RARB: variants seen among roughly 807,000 people sequenced by gnomAD.
RARB encodes retinoic acid receptor beta.
Under a neutral mutation model 51.9 loss-of-function variants are expected in RARB, and 17 were observed. The ratio of observed to expected loss-of-function variants is 0.33; its 90% CI spans 0.22 to 0.49. RARB has a LOEUF of 0.49. Ranked by LOEUF, RARB falls within the 20% of genes least tolerant of loss-of-function variation. The probability of loss-of-function intolerance (pLI) is 0.99; values close to 1 mark genes in which losing one functional copy is unlikely to be tolerated. For synonymous variants in RARB, 215 were observed against 195.4 expected (o/e 1.10, Z -0.84); for missense variants, 369 against 550.8 (o/e 0.67, Z 3.30).
chr3:25,329,799 C>T (rs761031664), intron 5 of RARB, among the ~76,000 whole-genome samples: 2 of 152,010 alleles, frequency 1.3e-5, no homozygotes, highest in Admixed American at 6.6e-5. Context: ...ACTAGAATAA[C>T]CAGTGTAGAG....
chr3:24,868,606 C>G (rs563873253), intron 2 of RARB, among the ~76,000 whole-genome samples: 34 of 152,224 alleles, frequency 2.2e-4, no homozygotes, highest in African/African-American at 8.2e-4. Flanking sequence ...GGACTTGCCT[C>G]ATTATATCCT....
At chr3:25,286,167 C>T (rs1361939736) in intron 5 of RARB, among the ~76,000 whole-genome samples, 1 of 137,018 alleles carries the variant, frequency 7.3e-6, no homozygotes, top group South Asian at 2.3e-4. Context: ...CAGCTCACTG[C>T]AAGCTCCATC....
intron 2 of RARB, among the ~76,000 whole-genome samples, chr3:24,889,479 C>A (rs1018296260): frequency 6.6e-6 from 1 of 152,118 alleles, no homozygotes; most frequent in Non-Finnish European, 1.5e-5. Flanking sequence ...AATAGCAAGG[C>A]AAACCATAAT....
chr3:25,313,463 C>A (rs1704340610), intron 5 of RARB, among the ~76,000 whole-genome samples: 1 of 152,198 alleles, frequency 6.6e-6, no homozygotes, highest in Non-Finnish European at 1.5e-5. Flanking sequence ...CCCCAACTCC[C>A]TGGTATGATG....
intron 2 of RARB, among the ~76,000 whole-genome samples, chr3:25,006,722 G>A (rs918834719): frequency 2.0e-5 from 3 of 152,088 alleles, no homozygotes; most frequent in Non-Finnish European, 4.4e-5. Flanking sequence ...AATAGATTTT[G>A]AACATGGGAT....
chr3:24,900,373 C>T (rs1303221785), intron 2 of RARB, among the ~76,000 whole-genome samples: 2 of 152,216 alleles, frequency 1.3e-5, no homozygotes, highest in Admixed American at 6.5e-5. Context: ...ATATTCATCT[C>T]TTTGAAATAT....
intron 5 of RARB, among the ~76,000 whole-genome samples, chr3:25,299,534 T>C (rs1703991519): frequency 6.6e-6 from 1 of 152,170 alleles, no homozygotes; most frequent in African/African-American, 2.4e-5. Context: ...AAATTATGAA[T>C]GGAAGTAACC....
chr3:25,355,960 A>T (rs1705721099), intron 5 of RARB, among the ~76,000 whole-genome samples: 1 of 152,178 alleles, frequency 6.6e-6, no homozygotes, highest in Non-Finnish European at 1.5e-5. Context: ...TTGGAAAATA[A>T]CTTTTTTATT....
At chr3:24,948,637 C>T (rs562397078) in intron 2 of RARB, among the ~76,000 whole-genome samples, 1 of 152,298 alleles carries the variant, frequency 6.6e-6, no homozygotes, top group East Asian at 1.9e-4. Flanking sequence ...GGATGTTTGT[C>T]CCCTCCGAAT....
At chr3:25,470,015 C>T (rs1045019125) in intron 2 of RARB, among the ~76,000 whole-genome samples, 3 of 152,116 alleles carry the variant, frequency 2.0e-5, no homozygotes, top group African/African-American at 7.2e-5. Context: ...TGTTCAGTTC[C>T]GGAGGCCGTG....
intron 2 of RARB, among the ~76,000 whole-genome samples, chr3:24,862,787 T>C (rs1037682082): frequency 2.6e-5 from 4 of 152,242 alleles, no homozygotes; most frequent in Admixed American, 2.0e-4. Context: ...TATATTATAC[T>C]GTACTGTATC....
At chr3:25,460,049 G>A (rs1193197231) in intron 1 of RARB, among the ~76,000 whole-genome samples, 1 of 152,130 alleles carries the variant, frequency 6.6e-6, no homozygotes, top group African/African-American at 2.4e-5. Flanking sequence ...ATAACAGGAT[G>A]GAGGATTATT....
intron 2 of RARB, among the ~76,000 whole-genome samples, chr3:24,903,592 T>A (rs1182557215): frequency 6.6e-6 from 1 of 152,098 alleles, no homozygotes; most frequent in Non-Finnish European, 1.5e-5. Flanking sequence ...TCAAATGTGG[T>A]TTAGGAATTA....
chr3:25,345,467 C>G (rs1705361593), intron 5 of RARB, among the ~76,000 whole-genome samples: 1 of 151,942 alleles, frequency 6.6e-6, no homozygotes, highest in African/African-American at 2.4e-5. Flanking sequence ...GAGTTTGAGA[C>G]CAGCCTGGCC....
chr3:24,901,807 G>A (rs1575062441), intron 2 of RARB, among the ~76,000 whole-genome samples: 2 of 152,102 alleles, frequency 1.3e-5, no homozygotes, highest in Admixed American at 1.3e-4. Flanking sequence ...GTTTTAAGAT[G>A]TACAGCCATT....
chr3:24,972,208 T>A (rs921603300), intron 2 of RARB, among the ~76,000 whole-genome samples: 1 of 151,952 alleles, frequency 6.6e-6, no homozygotes, highest in South Asian at 2.1e-4. Flanking sequence ...AAATCCACTC[T>A]TTTAGCTCCC....
chr3:25,136,603 T>A (rs1414792221), intron 4 of RARB, among the ~76,000 whole-genome samples: 1 of 152,028 alleles, frequency 6.6e-6, no homozygotes, highest in African/African-American at 2.4e-5. Flanking sequence ...GAAATGGCCA[T>A]AGAAAATCAC....
At chr3:25,310,098 T>C (rs1208828608) in intron 5 of RARB, among the ~76,000 whole-genome samples, 1 of 152,180 alleles carries the variant, frequency 6.6e-6, no homozygotes, top group Non-Finnish European at 1.5e-5. Context: ...GAAAATGATG[T>C]GTGTAGCTTC....
intron 2 of RARB, among the ~76,000 whole-genome samples, chr3:25,044,645 G>A (rs1160802873): frequency 6.6e-6 from 1 of 152,162 alleles, no homozygotes; most frequent in East Asian, 1.9e-4. Context: ...GTAAATGAAT[G>A]TGTCTCTCTT....
Sources: allele counts gnomAD v4.1 joint callset (sites outside exome capture counted in the v4.1 genomes callset), GRCh38; gene constraint gnomAD v4.1.1; transcripts MANE v1.5; gene names NCBI Gene and HGNC (gene_info 2026-07-23, HGNC 2026-07-21).